TFEC: variants seen among roughly 807,000 people sequenced by gnomAD.
TFEC encodes the protein class E basic helix-loop-helix protein 34.
TFEC carries 31 observed loss-of-function variants against 41.6 expected under a neutral mutation model. The observed-to-expected ratio is 0.74, with a 90% CI of 0.56 to 1.01. The LOEUF is 1.01. TFEC is among the 50% of genes least tolerant of loss of function. The pLI, the probability that TFEC is intolerant of heterozygous loss-of-function variation, is 0.00. For missense variants in TFEC, 402 were observed against 404.1 expected (o/e 0.99, Z 0.04); for synonymous variants, 143 against 140.6 (o/e 1.02, Z -0.12).
At chr7:115,997,072 G>A (rs1476220330) in intron 1 of TFEC, among the ~76,000 whole-genome samples, 2 of 152,298 alleles carry the variant, frequency 1.3e-5, no homozygotes, top group African/African-American at 4.8e-5. Flanking sequence ...TAGGGCATTA[G>A]GCCCTTGAGA....
chr7:116,055,873 T>TC (rs1377178411), intron 3 of TFEC, among the ~76,000 whole-genome samples: 2 of 152,098 alleles, frequency 1.3e-5, no homozygotes, highest in Non-Finnish European at 2.9e-5. Flanking sequence ...ATAACATACC[T>TC]CCTAAGCTGC....
chr7:115,955,865 G>T (rs1792197702), intron 4 of TFEC, among the ~76,000 whole-genome samples: 1 of 151,846 alleles, frequency 6.6e-6, no homozygotes, highest in Admixed American at 6.6e-5. Flanking sequence ...AGACATTTTT[G>T]AATTATTGAT....
chr7:116,121,344 G>C (rs1466577287), intron 1 of TFEC: 2 of 151,948 alleles, frequency 1.3e-5, no homozygotes, highest in Non-Finnish European at 2.9e-5. Context: ...TACATGAAAT[G>C]TCCAGAATAG....
intron 3 of TFEC, among the ~76,000 whole-genome samples, chr7:116,064,719 A>T (rs4730708): frequency 6.6e-6 from 1 of 152,038 alleles, no homozygotes; most frequent in Non-Finnish European, 1.5e-5. Context: ...AAAATTAAAA[A>T]AAAGAGAAGC....
At chr7:116,069,188 A>T (rs1360107354) in intron 3 of TFEC, among the ~76,000 whole-genome samples, 2 of 151,004 alleles carry the variant, frequency 1.3e-5, no homozygotes, top group Non-Finnish European at 3.0e-5. Flanking sequence ...AGAAAATAAG[A>T]TAAAAAAACT....
intron 1 of TFEC, among the ~76,000 whole-genome samples, chr7:116,131,299 T>C (rs933162317): frequency 2.6e-5 from 4 of 152,172 alleles, no homozygotes; most frequent in African/African-American, 9.6e-5. Context: ...ATAGAAACCA[T>C]GTGCCTTTGA....
intron 3 of TFEC, among the ~76,000 whole-genome samples, chr7:116,064,990 A>C (rs1278505665): frequency 6.6e-6 from 1 of 152,176 alleles, no homozygotes; most frequent in Non-Finnish European, 1.5e-5. Context: ...TGAGTTAGAC[A>C]CAAGACACAA....
At chr7:116,112,737 C>T (rs1182740982) in intron 1 of TFEC, among the ~76,000 whole-genome samples, 1 of 151,784 alleles carries the variant, frequency 6.6e-6, no homozygotes, top group African/African-American at 2.4e-5. Flanking sequence ...TATAAAACAA[C>T]CATTAAAACA....
At chr7:115,952,089 A>G (rs1473215854) in intron 5 of TFEC, among the ~76,000 whole-genome samples, 2 of 152,104 alleles carry the variant, frequency 1.3e-5, no homozygotes, top group East Asian at 3.9e-4. Context: ...AGAAACAAGG[A>G]AAGTCATCAA....
chr7:116,071,938 T>C (rs186925571), intron 3 of TFEC, among the ~76,000 whole-genome samples: 2 of 151,502 alleles, frequency 1.3e-5, no homozygotes, highest in Non-Finnish European at 3.0e-5. Context: ...TTAGAAAATG[T>C]GTATTTCTCA....
chr7:116,006,567 T>C (rs548816808), intron 1 of TFEC, among the ~76,000 whole-genome samples: 1 of 152,340 alleles, frequency 6.6e-6, no homozygotes, highest in East Asian at 1.9e-4. Context: ...AGGAAGTAAC[T>C]AACTTGCTTT....
At chr7:116,047,739 G>A (rs1796203936) in intron 3 of TFEC, among the ~76,000 whole-genome samples, 1 of 152,150 alleles carries the variant, frequency 6.6e-6, no homozygotes, top group Admixed American at 6.5e-5. Flanking sequence ...GCTTAACTGG[G>A]AGGCACCGCC....
At position 115,936,640 on chromosome 7, in the gene TFEC, T is replaced by C. The variant is rs919236454; in HGVS notation, c.*3911A>G. On this transcript the variant is annotated 3_prime_UTR_variant, in exon 8 of 8. Coordinates refer to ENST00000265440, the MANE Select transcript of TFEC (RefSeq NM_012252.4). ...GCCTTGAAGTATAAGAAAATTCCTA[T>C]ATGACTCAGTTTTTCAAAATAAAAT... The C allele has an allele frequency of 2.0e-5, 3 of 151,670 alleles. No homozygotes were observed. The highest frequency in any genetic ancestry group is 7.2e-5 in the African/African-American group (3 of 41,392). The allele number at this position is 151,670 out of a possible 1,614,324, so 9.4% of individuals were successfully genotyped here.
intron 1 of TFEC, among the ~76,000 whole-genome samples, chr7:116,144,369 A>G (rs1043361615): frequency 6.6e-6 from 1 of 152,180 alleles, no homozygotes; most frequent in Non-Finnish European, 1.5e-5. Context: ...GTTAACTGAA[A>G]TCGGCAGGCA....
intron 6 of TFEC, among the ~76,000 whole-genome samples, chr7:115,944,368 G>C (rs1382473349): frequency 1.3e-5 from 2 of 151,362 alleles, no homozygotes; most frequent in Non-Finnish European, 2.9e-5. Context: ...CTTTCTCTTT[G>C]ATTGTTATTT....
Position 115,939,747 on chromosome 7 carries a change from T to C in TFEC, c.*804A>G. The C allele has an allele frequency of 6.6e-6, 1 of 152,028 alleles. No individual in the cohort carries two copies. Among genetic ancestry groups the C allele is most frequent in the East Asian group, 1.9e-4 (1 of 5,168 alleles). The allele number at this position is 152,028 out of a possible 1,614,324, so 9.4% of individuals were successfully genotyped here. A position where few individuals can be genotyped will look rare whatever the true frequency, so the allele number is the denominator to read the frequency against. The stretch of plus-strand genomic sequence containing the variant: ...GAAGCATGAAGAAAACAAAAGAACA[T>C]ATACTACCTGAATGATGTGCATATG... On this transcript the variant is annotated 3_prime_UTR_variant, in exon 8 of 8. Transcript: ENST00000265440.
intron 3 of TFEC, among the ~76,000 whole-genome samples, chr7:116,069,387 TAA>T (rs1796772248): frequency 6.6e-6 from 1 of 151,622 alleles, no homozygotes; most frequent in African/African-American, 2.4e-5. Flanking sequence ...CAATATGAAA[TAA>T]AGAGTTTGAG....
At position 115,984,227 on chromosome 7, in the gene TFEC, G is replaced by A. The variant is rs763064828; in HGVS notation, c.180+35C>T. The A allele has an allele frequency of 4.4e-6, 7 of 1,593,128 alleles. No individual in the cohort carries two copies. In the South Asian group the frequency reaches 6.7e-5, roughly 15 times the overall value. ...TTTAATAGAGGTTTTTTCAAAAACTGATGATATATTTTTATAACCAGCCAT... is the reference window on the plus strand; with the variant it reads ...TTTAATAGAGGTTTTTTCAAAAACTAATGATATATTTTTATAACCAGCCAT... On this transcript the variant is annotated intron_variant, in intron 2 of 7. Coordinates refer to ENST00000265440, the MANE Select transcript of TFEC (RefSeq NM_012252.4).
intron 3 of TFEC, among the ~76,000 whole-genome samples, chr7:116,104,817 G>A (rs1320494487): frequency 6.6e-6 from 1 of 151,276 alleles, no homozygotes; most frequent in Non-Finnish European, 1.5e-5. Context: ...AGGGTGTTCA[G>A]CGTAAATGTA....
Sources: allele counts gnomAD v4.1 joint callset (sites outside exome capture counted in the v4.1 genomes callset), GRCh38; gene constraint gnomAD v4.1.1; transcripts MANE v1.5; gene names NCBI Gene and HGNC (gene_info 2026-07-23, HGNC 2026-07-21).